The following AHI1 variants were observed in gnomAD, a reference collection of about 807,000 sequenced individuals.
The protein encoded by AHI1 is jouberin.
A neutral mutation model predicts 149.3 loss-of-function variants in AHI1; 123 were observed. That is an observed-to-expected ratio of 0.82 (90% CI 0.71 to 0.96). AHI1 has a LOEUF of 0.96. AHI1 is among the 40% of genes least tolerant of loss of function. The pLI is 0.00. For synonymous variants in AHI1, 475 were observed against 459.8 expected (o/e 1.03, Z -0.42); for missense variants, 1,439 against 1,422.7 (o/e 1.01, Z -0.18).
intron 27 of AHI1, among the ~76,000 whole-genome samples, chr6:135,294,397 T>TA (rs1782791094): frequency 6.6e-6 from 1 of 151,588 alleles, no homozygotes; most frequent in Admixed American, 6.6e-5. Flanking sequence ...TGGTGTACGC[T>TA]ACTTGGGTGG....
intron 24 of AHI1, among the ~76,000 whole-genome samples, chr6:135,331,871 C>T (rs1286873219): frequency 6.6e-6 from 1 of 152,144 alleles, no homozygotes; most frequent in Non-Finnish European, 1.5e-5. Flanking sequence ...TGATTTCAGA[C>T]TCCGGGCTTC....
chr6:135,460,873 C>G (rs765406755), intron 8 of AHI1, among the ~76,000 whole-genome samples: 2 of 152,122 alleles, frequency 1.3e-5, no homozygotes, highest in Non-Finnish European at 1.5e-5. Flanking sequence ...AATATATATT[C>G]ACATGGATAT....
At position 135,427,213 on chromosome 6, in the gene AHI1, T is replaced by C. The variant is rs765434425; in HGVS notation, c.2718A>G (p.Ala906=). ...GAAGAATTGGCTCATTTTGCCCAAA[T>C]GCACAGAATGCAACCATATTTTCAA... The part of the protein sequence containing the change: ...HPFENMVAFC[A]FGQNEPILLY... The change falls in exon 20 of 29, where the codon GCA becomes GCG. Residue 906 remains alanine, a synonymous_variant. Transcript: ENST00000265602. 1 of 1,610,674 alleles carries C rather than the reference T, an allele frequency of 6.2e-7. No individual in the cohort carries two copies. The highest frequency in any genetic ancestry group is 1.3e-5 in the African/African-American group (1 of 74,814).
At chr6:135,411,255 T>G (rs905428386) in intron 21 of AHI1, 93 bp downstream of exon 21, 9 of 1,229,886 alleles carry the variant, frequency 7.3e-6, no homozygotes, top group Non-Finnish European at 1.0e-5. Flanking sequence ...TTTAAGTAAT[T>G]AACTTACTTC....
At chr6:135,456,698 TG>T (rs1331347162) in intron 9 of AHI1, among the ~76,000 whole-genome samples, 2 of 152,222 alleles carry the variant, frequency 1.3e-5, no homozygotes, top group East Asian at 3.9e-4. Flanking sequence ...CATTCCCCAC[TG>T]GCTTTCCAAA....
At chr6:135,320,896 G>A (rs1181158401) in intron 25 of AHI1, among the ~76,000 whole-genome samples, 1 of 152,134 alleles carries the variant, frequency 6.6e-6, no homozygotes, top group East Asian at 1.9e-4. Flanking sequence ...TGACCCTGTG[G>A]GAGACCCAAC....
intron 25 of AHI1, among the ~76,000 whole-genome samples, chr6:135,321,483 G>A (rs1446169280): frequency 6.6e-6 from 1 of 152,152 alleles, no homozygotes; most frequent in Non-Finnish European, 1.5e-5. Context: ...AGAGACTGGG[G>A]AGGGGAGCAA....
rs759553258 is a variant in AHI1 at position 135,463,178 on chromosome 6, A to G, written c.878T>C (p.Met293Thr). The change falls in exon 8 of 29, where the codon ATG becomes ACG. Residue 293 changes from methionine (M) to threonine (T), a missense_variant. Coordinates refer to ENST00000265602, the MANE Select transcript of AHI1 (RefSeq NM_001134831.2). ...TGGTTTAGGTTTTGTATCATCTTGC[A>G]TGCTGTCTTCTGTGCTTTGTTCCAT... ...SSMEQSTEDSMQDDTKPKPKK... is the reference protein window; with the variant it reads ...SSMEQSTEDSTQDDTKPKPKK... 1.9e-5 allele frequency: 31 copies of G among 1,607,494 alleles called. No homozygotes were observed. The highest frequency in any genetic ancestry group is 4.1e-5 in the African/African-American group (3 of 74,062).
At chr6:135,346,859 G>C (rs1791307808) in intron 24 of AHI1, among the ~76,000 whole-genome samples, 1 of 152,150 alleles carries the variant, frequency 6.6e-6, no homozygotes, top group African/African-American at 2.4e-5. Context: ...GACTCTGCCA[G>C]TGCACTTCAA....
At chr6:135,342,901 C>G (rs1416085340) in intron 24 of AHI1, among the ~76,000 whole-genome samples, 1 of 151,218 alleles carries the variant, frequency 6.6e-6, no homozygotes, top group Non-Finnish European at 1.5e-5. Context: ...GACATTCATA[C>G]CACTTCAACA....
At chr6:135,465,115 C>T (rs560807327) in intron 7 of AHI1, among the ~76,000 whole-genome samples, 4 of 152,224 alleles carry the variant, frequency 2.6e-5, no homozygotes, top group East Asian at 3.9e-4. Flanking sequence ...GAAATTGATG[C>T]TGAATGCCAA....
intron 3 of AHI1, among the ~76,000 whole-genome samples, chr6:135,494,819 T>A (rs1309722747): frequency 6.6e-6 from 1 of 152,102 alleles, no homozygotes; most frequent in Non-Finnish European, 1.5e-5. Context: ...GGTGAAAAAC[T>A]GGGAGATAGA....
chr6:135,421,366 G>GCA (rs757239927), intron 20 of AHI1, among the ~76,000 whole-genome samples: 9 of 152,188 alleles, frequency 5.9e-5, no homozygotes, highest in Admixed American at 1.3e-4. Context: ...TATCTATGAA[G>GCA]CACAATAAAG....
intron 7 of AHI1, among the ~76,000 whole-genome samples, 173 bp from the exon 8 acceptor site, chr6:135,463,479 T>C (rs972862577): frequency 9.2e-5 from 14 of 152,072 alleles, no homozygotes; most frequent in Non-Finnish European, 1.5e-4. Flanking sequence ...AAGTGTCAAA[T>C]AGGTATCATA....
At chr6:135,389,307 T>TAAAAA (rs773530746) in intron 23 of AHI1, among the ~76,000 whole-genome samples, 1 of 96,908 alleles carries the variant, frequency 1.0e-5, no homozygotes, top group Non-Finnish European at 2.1e-5. Flanking sequence ...AGACTCTGTC[T>TAAAAA]AAAAAAAAAA....
chr6:135,398,406 C>A (rs1779558313), intron 22 of AHI1, among the ~76,000 whole-genome samples: 1 of 152,028 alleles, frequency 6.6e-6, no homozygotes, highest in Non-Finnish European at 1.5e-5. Flanking sequence ...CAATAAGATA[C>A]CAGAAAAATC....
At chr6:135,356,581 C>A (rs1216886462) in intron 24 of AHI1, among the ~76,000 whole-genome samples, 7 of 152,042 alleles carry the variant, frequency 4.6e-5, no homozygotes, top group African/African-American at 1.7e-4. Flanking sequence ...AGTAGCCAAT[C>A]CTTCCTCAGA....
At chr6:135,371,692 A>G (rs576668910) in intron 23 of AHI1, among the ~76,000 whole-genome samples, 1 of 152,176 alleles carries the variant, frequency 6.6e-6, no homozygotes, top group African/African-American at 2.4e-5. Context: ...TTGAAGTCAT[A>G]TAGTTTAGTT....
chr6:135,484,364 T>C (rs1794168063), intron 5 of AHI1, among the ~76,000 whole-genome samples: 1 of 152,180 alleles, frequency 6.6e-6, no homozygotes, highest in Admixed American at 6.5e-5. Context: ...TTACTACTAA[T>C]AAACTTTTAA....
Sources: gnomAD v4.1 joint callset for allele counts (sites outside exome capture counted in the v4.1 genomes callset) on GRCh38, gnomAD v4.1.1 for gene constraint, MANE v1.5 for transcripts, NCBI Gene and HGNC (gene_info 2026-07-23, HGNC 2026-07-21) for gene names.